The following TAF2 variants were observed in gnomAD, a reference collection of about 807,000 sequenced individuals.
TAF2 encodes TATA-box binding protein associated factor 2.
In TAF2, 61 loss-of-function variants were observed where a neutral mutation model predicts 138.5. The observed-to-expected ratio is 0.44, with a 90% CI of 0.36 to 0.54. TAF2 has a LOEUF of 0.54. TAF2 is among the 20% of genes least tolerant of loss of function. The probability of loss-of-function intolerance (pLI) is 0.00; values close to 1 mark genes in which losing one functional copy is unlikely to be tolerated. For missense variants in TAF2, 1,090 were observed against 1,427.9 expected (o/e 0.76, Z 3.81); for synonymous variants, 475 against 469.9 (o/e 1.01, Z -0.14).
intron 18 of TAF2, among the ~76,000 whole-genome samples, chr8:119,773,893 CA>C (rs1199548026): frequency 6.6e-6 from 1 of 151,634 alleles, no homozygotes; most frequent in Non-Finnish European, 1.5e-5. Context: ...TGTTCTTGGC[CA>C]GGCGCGATGG....
intron 2 of TAF2, among the ~76,000 whole-genome samples, chr8:119,829,464 G>A (rs1045239454): frequency 4.6e-5 from 7 of 151,994 alleles, no homozygotes; most frequent in Admixed American, 4.6e-4. Flanking sequence ...TCCACCTCAT[G>A]TTGGTTTCTG....
intron 2 of TAF2, among the ~76,000 whole-genome samples, chr8:119,828,720 TC>T (rs1826252274): frequency 6.6e-6 from 1 of 152,254 alleles, no homozygotes; most frequent in Non-Finnish European, 1.5e-5. Context: ...CAACCACTTT[TC>T]TTTCCACTAT....
intron 25 of TAF2, 25 bp downstream of exon 25, chr8:119,742,509 A>G (rs1563816138): frequency 6.2e-7 from 1 of 1,610,398 alleles, no homozygotes; most frequent in Admixed American, 1.7e-5. Flanking sequence ...ACAAAATAAT[A>G]TTAATTCTGA....
Position 119,744,373 on chromosome 8 carries a change from CTCATCTTGAG to C in TAF2, c.3119_3128del (p.Ser1040TrpfsTer20). On this transcript the variant is annotated frameshift_variant, in exon 24 of 26. Coordinates refer to ENST00000378164, the MANE Select transcript of TAF2 (RefSeq NM_003184.4). LOFTEE classifies it high-confidence loss of function. ...GAACAGTATCCATATCAATCTCCTC[CTCATCTTGAG>C]AACTGGAAAACTAAAACACACACAC... The C allele has an allele frequency of 6.2e-7, 1 of 1,613,608 alleles. No individual in the cohort carries two copies. The highest frequency in any genetic ancestry group is 8.5e-7 in the Non-Finnish European group (1 of 1,179,878).
At chr8:119,760,094 G>A (rs575339438) in intron 20 of TAF2, among the ~76,000 whole-genome samples, 2 of 151,356 alleles carry the variant, frequency 1.3e-5, no homozygotes, top group African/African-American at 2.4e-5. Context: ...TATTCTTCAC[G>A]ACTTTTTAAC....
At chr8:119,831,974 C>A (rs527715508) in intron 1 of TAF2, among the ~76,000 whole-genome samples, 1 of 152,048 alleles carries the variant, frequency 6.6e-6, no homozygotes, top group Non-Finnish European at 1.5e-5. Flanking sequence ...GCCTGGCCAA[C>A]AGAGTGAAAC....
At chr8:119,818,518 T>G (rs1825622270) in intron 3 of TAF2, among the ~76,000 whole-genome samples, 1 of 152,010 alleles carries the variant, frequency 6.6e-6, no homozygotes, top group South Asian at 2.1e-4. Context: ...TAGTAGACAT[T>G]TAAACACTAG....
rs1015671445 is a variant in TAF2, at chr8:119,832,739, G to A, written c.-175C>T. 1.3e-5 allele frequency: 7 copies of A among 538,494 alleles called. No homozygotes were observed. Among genetic ancestry groups the A allele is most frequent in the Non-Finnish European group, 2.3e-5 (7 of 308,148 alleles). The allele number at this position is 538,494 out of a possible 1,614,324, so 33.4% of individuals were successfully genotyped here. A position where few individuals can be genotyped will look rare whatever the true frequency, so the allele number is the denominator to read the frequency against. ...CTGCCCGCCTCAACCTCGCTCCTTC[G>A]ACTAGCTCCTAGAAGCCGCCGTCGA... On this transcript the variant is annotated 5_prime_UTR_variant, in exon 1 of 26. Coordinates refer to ENST00000378164, the MANE Select transcript of TAF2 (RefSeq NM_003184.4).
chr8:119,735,216 T>C (rs1819147211), intron 25 of TAF2, among the ~76,000 whole-genome samples: 1 of 152,206 alleles, frequency 6.6e-6, no homozygotes, highest in Non-Finnish European at 1.5e-5. Context: ...GATAGCCTCT[T>C]GAGGACAGGA....
At chr8:119,738,283 A>T (rs2130981020) in intron 25 of TAF2, among the ~76,000 whole-genome samples, 1 of 152,264 alleles carries the variant, frequency 6.6e-6, no homozygotes, top group East Asian at 1.9e-4. Context: ...TTTGGGACAC[A>T]CAAGTTTACT....
chr8:119,760,742 G>A lies in TAF2; in HGVS notation c.2559-4C>T, dbSNP rs1446092842. On this transcript the variant is annotated splice_polypyrimidine_tract_variant and splice_region_variant and intron_variant, in intron 19 of 25. Coordinates refer to ENST00000378164, the MANE Select transcript of TAF2 (RefSeq NM_003184.4). ...TACCCGTATGGCTCTCAAACAACTA[G>A]GGAAAAAAATACGTATGTTAACTAC... 1 of 1,613,610 alleles carries A rather than the reference G, an allele frequency of 6.2e-7. No homozygotes were observed. The highest frequency in any genetic ancestry group is 1.7e-5 in the Admixed American group (1 of 60,008).
chr8:119,732,665 A>G (rs1026652897), intron 25 of TAF2, among the ~76,000 whole-genome samples: 1 of 151,884 alleles, frequency 6.6e-6, no homozygotes, highest in African/African-American at 2.4e-5. Flanking sequence ...TTAGCCGGGC[A>G]TGGTGGCGGG....
At chr8:119,773,370 A>C (rs984825534) in intron 18 of TAF2, among the ~76,000 whole-genome samples, 1 of 151,566 alleles carries the variant, frequency 6.6e-6, no homozygotes, top group African/African-American at 2.4e-5. Flanking sequence ...TCTAAATTCT[A>C]AATCAATCCC....
intron 15 of TAF2, among the ~76,000 whole-genome samples, chr8:119,784,317 G>A (rs1484674345): frequency 6.6e-6 from 1 of 152,182 alleles, no homozygotes; most frequent in South Asian, 2.1e-4. Flanking sequence ...CACTTTCGGA[G>A]GTTGAGGCGG....
intron 2 of TAF2, among the ~76,000 whole-genome samples, chr8:119,827,664 G>C (rs1004428007): frequency 3.4e-4 from 52 of 151,854 alleles, no homozygotes; most frequent in African/African-American, 1.2e-3. Flanking sequence ...AGCCAAAACA[G>C]AACTGGGAAC....
At chr8:119,811,141 A>G (rs1316001287) in intron 3 of TAF2, among the ~76,000 whole-genome samples, 2 of 152,194 alleles carry the variant, frequency 1.3e-5, no homozygotes, top group African/African-American at 4.8e-5. Context: ...TCCTCCTTAC[A>G]GAAATGCAAC....
intron 25 of TAF2, among the ~76,000 whole-genome samples, chr8:119,740,787 T>A (rs1384597594): frequency 6.6e-6 from 1 of 152,124 alleles, no homozygotes; most frequent in Admixed American, 6.5e-5. Context: ...CTATTATTTG[T>A]AAAATGAAGG....
chr8:119,800,951 G>C (rs1824212565), intron 6 of TAF2, among the ~76,000 whole-genome samples: 1 of 152,160 alleles, frequency 6.6e-6, no homozygotes. Context: ...TCTCATGCTT[G>C]GGGAGGCCTA....
In TAF2 at chr8:119,787,375, A is replaced by AAAACAAAAACAAAC. The variant is rs1220875195; in HGVS notation, c.1793+949_1793+962dup. 9.3e-3 allele frequency among the ~76,000 whole-genome samples: 1,422 copies of AAAACAAAAACAAAC among 152,096 alleles called. 16 individuals carry two copies. Among genetic ancestry groups the AAAACAAAAACAAAC allele is most frequent in the African/African-American group, 0.032 (1,343 of 41,490 alleles). On this transcript the variant is annotated intron_variant, in intron 14 of 25. Coordinates refer to ENST00000378164, the MANE Select transcript of TAF2 (RefSeq NM_003184.4). ...TATAATAATAATAAAATAAAAAACA[A>AAAACAAAAACAAAC]AAACAAAAACAAACAAACAAAAAAA...
Sources: allele counts gnomAD v4.1 joint callset (sites outside exome capture counted in the v4.1 genomes callset), GRCh38; gene constraint gnomAD v4.1.1; transcripts MANE v1.5; gene names NCBI Gene and HGNC (gene_info 2026-07-23, HGNC 2026-07-21).